SV2C: variants seen among roughly 807,000 people sequenced by gnomAD.
The protein encoded by SV2C is solute carrier family 22 member B3.
A neutral mutation model predicts 79.7 loss-of-function variants in SV2C; 49 were observed. The observed-to-expected ratio is 0.61, with a 90% CI of 0.49 to 0.78. The LOEUF is 0.78. SV2C is among the 30% of genes least tolerant of loss of function. The probability of loss-of-function intolerance (pLI) is 0.00; values close to 1 mark genes in which losing one functional copy is unlikely to be tolerated. For missense variants in SV2C, 833 were observed against 912.9 expected, an observed-to-expected ratio of 0.91 and a Z score of 1.13; for synonymous variants, 334 against 333.2, an observed-to-expected ratio of 1.00 and a Z score of -0.03.
chr5:76,071,645 T>C, the SV2C span, among the ~76,000 whole-genome samples: 1 of 152,198 alleles, frequency 6.6e-6, no homozygotes, highest in East Asian at 1.9e-4. Flanking sequence ...TCAGCACCAA[T>C]ACCTTTAGAT....
the SV2C span, among the ~76,000 whole-genome samples, chr5:75,914,041 G>A: frequency 9.2e-5 from 14 of 152,024 alleles, no homozygotes; most frequent in East Asian, 2.7e-3. Flanking sequence ...TTGCCAATGT[G>A]GGTCTAAGGT....
chr5:76,131,942 C>G lies in SV2C; in HGVS notation c.192C>G (p.Thr64=), dbSNP rs1561229497. The change falls in exon 2 of 13, where the codon ACC becomes ACG. Residue 64 remains threonine, a synonymous_variant. Coordinates refer to ENST00000502798, the MANE Select transcript of SV2C (RefSeq NM_014979.4). ...ATGACTACTACCCGGCTGGAGAAACCTATAATGGTGAGGCCAACGATGACG... is the reference window on the plus strand; with the variant it reads ...ATGACTACTACCCGGCTGGAGAAACGTATAATGGTGAGGCCAACGATGACG... The part of the protein sequence containing the change: ...DDDDYYPAGE[T]YNGEANDDEG... The G allele has an allele frequency of 6.2e-7, 1 of 1,614,046 alleles. No individual in the cohort carries two copies. The highest frequency in any genetic ancestry group is 8.5e-7 in the Non-Finnish European group (1 of 1,179,976).
chr5:76,014,210 GGAAAA>G, the SV2C span, among the ~76,000 whole-genome samples: 8 of 137,864 alleles, frequency 5.8e-5, no homozygotes, highest in African/African-American at 1.9e-4. Context: ...AAGAAAGAAA[GGAAAA>G]GAAAAGAAAG....
the SV2C span, among the ~76,000 whole-genome samples, chr5:76,061,015 A>C: frequency 2.0e-5 from 3 of 152,026 alleles, no homozygotes; most frequent in Non-Finnish European, 4.4e-5. Flanking sequence ...TGGTTGGTGG[A>C]GCAAACACAA....
chr5:75,884,260 T>C, the SV2C span, among the ~76,000 whole-genome samples: 1 of 152,166 alleles, frequency 6.6e-6, no homozygotes, highest in Non-Finnish European at 1.5e-5. Flanking sequence ...TGCTTGACTT[T>C]TGCCAACGTG....
intron 1 of SV2C, among the ~76,000 whole-genome samples, chr5:76,102,579 A>G (rs1296245581): frequency 2.0e-5 from 3 of 152,216 alleles, no homozygotes; most frequent in African/African-American, 4.8e-5. Flanking sequence ...ATGAATCAGC[A>G]TTTTAGAAAG....
At chr5:75,847,896 G>A in the SV2C span, among the ~76,000 whole-genome samples, 6 of 152,118 alleles carry the variant, frequency 3.9e-5, no homozygotes, top group Non-Finnish European at 7.4e-5. Context: ...TAAGTCTCAG[G>A]ATCCTAAAGA....
chr5:75,934,490 G>A, the SV2C span, among the ~76,000 whole-genome samples: 3 of 151,812 alleles, frequency 2.0e-5, no homozygotes, highest in African/African-American at 4.8e-5. Flanking sequence ...GTTTCACTAC[G>A]TTGGCCAGAA....
the SV2C span, among the ~76,000 whole-genome samples, chr5:75,939,854 C>A: frequency 7.2e-5 from 11 of 152,146 alleles, no homozygotes; most frequent in Non-Finnish European, 2.9e-5. Flanking sequence ...CTACCTAGAA[C>A]CTCTCTCCTC....
chr5:76,127,912 T>C (rs893166591), intron 1 of SV2C, among the ~76,000 whole-genome samples: 5 of 152,144 alleles, frequency 3.3e-5, no homozygotes, highest in African/African-American at 7.2e-5. Context: ...CCTGCTTCCA[T>C]CGCTCCCTCC....
intron 4 of SV2C, among the ~76,000 whole-genome samples, chr5:76,214,297 C>T (rs549320263): frequency 6.6e-6 from 1 of 152,282 alleles, no homozygotes; most frequent in East Asian, 1.9e-4. Flanking sequence ...ACTATCCTTT[C>T]CTTATGGGGT....
At chr5:75,920,867 A>G in the SV2C span, 3 of 758,782 alleles carry the variant, frequency 4.0e-6, no homozygotes, top group South Asian at 4.0e-5. Context: ...TCTTATTGTA[A>G]TGGGCTGGGT....
intron 2 of SV2C, among the ~76,000 whole-genome samples, chr5:76,147,226 T>G (rs1052178839): frequency 2.0e-5 from 3 of 152,192 alleles, no homozygotes; most frequent in African/African-American, 7.2e-5. Flanking sequence ...TACATAAATT[T>G]TAACACAATA....
chr5:76,086,161 A>T lies in SV2C; in HGVS notation c.-102+2649A>T, dbSNP rs569872575. Among the ~76,000 whole-genome samples the T allele has an allele frequency of 8.5e-5, 13 of 152,338 alleles. No homozygotes were observed. The South Asian group carries it at 2.7e-3, about 32-fold the overall frequency. On this transcript the variant is annotated intron_variant, in intron 1 of 12. Coordinates refer to ENST00000502798, the MANE Select transcript of SV2C (RefSeq NM_014979.4). ...GCTTGTAGTAAAACTCCTATTCATTATTAACCCTATCATATTCCTTAAGTG... is the reference window on the plus strand; with the variant it reads ...GCTTGTAGTAAAACTCCTATTCATTTTTAACCCTATCATATTCCTTAAGTG...
chr5:76,325,804 G>C lies in SV2C; in HGVS notation c.*257G>C. Reference sequence around the variant, plus strand: ...ATGCTACTGCCTCCCGCAAATCAGTGGAAGCATTTCTAAAATGCCCTAGGC... The same window carrying C: ...ATGCTACTGCCTCCCGCAAATCAGTCGAAGCATTTCTAAAATGCCCTAGGC... On this transcript the variant is annotated 3_prime_UTR_variant, in exon 13 of 13. Transcript: ENST00000502798. 2.5e-6 allele frequency: 1 copy of C among 394,420 alleles called. No homozygotes were observed. Among genetic ancestry groups the C allele is most frequent in the Non-Finnish European group, 4.3e-6 (1 of 230,204 alleles). 24.4% of individuals were successfully genotyped at this position (394,420 alleles called of 1,614,324 possible). A position where few individuals can be genotyped will look rare whatever the true frequency, so the allele number is the denominator to read the frequency against.
chr5:75,899,672 AG>A, the SV2C span, among the ~76,000 whole-genome samples: 1 of 152,174 alleles, frequency 6.6e-6, no homozygotes, highest in Admixed American at 6.5e-5. Flanking sequence ...GGGGTGTTAA[AG>A]TCTCCCATTA....
the SV2C span, among the ~76,000 whole-genome samples, chr5:75,989,114 C>T: frequency 6.6e-6 from 1 of 151,690 alleles, no homozygotes; most frequent in East Asian, 1.9e-4. Context: ...TGGAGTTTTC[C>T]CACTTTCCAA....
chr5:76,111,175 G>C (rs1021922131), intron 1 of SV2C, among the ~76,000 whole-genome samples: 3 of 152,082 alleles, frequency 2.0e-5, no homozygotes, highest in African/African-American at 7.3e-5. Context: ...ACCTTTTTTG[G>C]GGGAGGAGAA....
chr5:75,939,349 C>T, the SV2C span, among the ~76,000 whole-genome samples: 1 of 151,966 alleles, frequency 6.6e-6, no homozygotes, highest in Non-Finnish European at 1.5e-5. Context: ...TTTCTATGTC[C>T]TCCCATGGCA....
Sources: gnomAD v4.1 joint callset for allele counts (sites outside exome capture counted in the v4.1 genomes callset) on GRCh38, gnomAD v4.1.1 for gene constraint, MANE v1.5 for transcripts, NCBI Gene and HGNC (gene_info 2026-07-23, HGNC 2026-07-21) for gene names.